The following ANKRD52 variants were observed in gnomAD, a reference collection of about 807,000 sequenced individuals.
ANKRD52 encodes the protein ankyrin repeat domain 52.
A neutral mutation model predicts 116.0 loss-of-function variants in ANKRD52; 7 were observed. The ratio of observed to expected loss-of-function variants is 0.06; its 90% CI spans 0.03 to 0.11. ANKRD52 has a LOEUF of 0.11. Ranked by LOEUF, ANKRD52 falls within the 10% of genes least tolerant of loss-of-function variation. The pLI is 1.00. For synonymous variants in ANKRD52, 528 were observed against 578.1 expected, an observed-to-expected ratio of 0.91 and a Z score of 1.24; for missense variants, 839 against 1,408.6, an observed-to-expected ratio of 0.60 and a Z score of 6.47.
Position 56,255,051 on chromosome 12 carries a change from TA to T in ANKRD52, c.463-100del. 4 of 1,277,276 alleles carry T rather than the reference TA, an allele frequency of 3.1e-6. No individual in the cohort carries two copies. The highest frequency in any genetic ancestry group is 4.5e-6 in the Non-Finnish European group (4 of 897,826). The allele number at this position is 1,277,276 out of a possible 1,614,324, so 79.1% of individuals were successfully genotyped here. On this transcript the variant is annotated intron_variant, in intron 5 of 27. Coordinates refer to ENST00000267116, the MANE Select transcript of ANKRD52 (RefSeq NM_173595.4). The surrounding 1 kb of genome is among the most constrained non-coding windows in gnomAD (Gnocchi z 4.3). Reference sequence around the variant, plus strand: ...ATCTCCTGAAAAGGCTGAGGCAGCCTAATGCCTTTTTCCATGAGCAAAACAA... The same window carrying T: ...ATCTCCTGAAAAGGCTGAGGCAGCCTATGCCTTTTTCCATGAGCAAAACAA...
chr12:56,253,630 CAGG>C lies in ANKRD52; in HGVS notation c.985+89_985+91del. The C allele has an allele frequency of 1.5e-6, 2 of 1,375,310 alleles. No homozygotes were observed. Among genetic ancestry groups the C allele is most frequent in the South Asian group, 1.2e-5 (1 of 81,532 alleles). 85.2% of individuals were successfully genotyped at this position (1,375,310 alleles called of 1,614,324 possible). On this transcript the variant is annotated intron_variant, in intron 9 of 27. Coordinates refer to ENST00000267116, the MANE Select transcript of ANKRD52 (RefSeq NM_173595.4). The surrounding 1 kb of genome is among the most constrained non-coding windows in gnomAD (Gnocchi z 5.5). ...AAGGGCCTATCCTACTGGAAGAGGG[CAGG>C]AGAAGGAAGTTAGGAACCTCCCTAG... is the stretch of plus-strand genomic sequence containing the variant.
chr12:56,242,494 G>C lies in ANKRD52; in HGVS notation c.*648C>G. 3.5e-6 allele frequency: 1 copy of C among 286,524 alleles called. No homozygotes were observed. Among genetic ancestry groups the C allele is most frequent in the Admixed American group, 5.2e-5 (1 of 19,148 alleles). 17.7% of individuals were successfully genotyped at this position (286,524 alleles called of 1,614,324 possible). A position where few individuals can be genotyped will look rare whatever the true frequency, so the allele number is the denominator to read the frequency against. Reference sequence around the variant, plus strand: ...TATGAGGAGCCAGGGGAGAGTGCAGGATTGGGGCCCAGGTACAGTAGTTGC... The same window carrying C: ...TATGAGGAGCCAGGGGAGAGTGCAGCATTGGGGCCCAGGTACAGTAGTTGC... On this transcript the variant is annotated 3_prime_UTR_variant, in exon 28 of 28. Transcript: ENST00000267116. This position sits in a 1 kb window ranked among gnomAD's most constrained non-coding sequence, Gnocchi z 4.3.
intron 1 of ANKRD52, 31 bp downstream of exon 1, chr12:56,258,212 G>A (rs748976712): frequency 6.3e-7 from 1 of 1,597,052 alleles, no homozygotes; most frequent in Non-Finnish European, 8.5e-7. Context: ...AGCCCTGGAA[G>A]GAGGAAGCGG....
In ANKRD52 at chr12:56,248,386, T is replaced by C. The variant is rs1410316354; in HGVS notation, c.1776+109A>G. On this transcript the variant is annotated intron_variant, in intron 17 of 27. Transcript: ENST00000267116. The surrounding 1 kb of genome is among the most constrained non-coding windows in gnomAD (Gnocchi z 5.1). ...TACCCTGCACTGTGCTTATCCCCTC[T>C]CCCACAAAAAGGCAGAAGGAAGGAT... 3.5e-6 allele frequency: 5 copies of C among 1,433,064 alleles called. No homozygotes were observed. The African/African-American group carries it at 7.1e-5, about 20-fold the overall frequency. 88.8% of individuals were successfully genotyped at this position (1,433,064 alleles called of 1,614,324 possible).
At position 56,242,982 on chromosome 12, in the gene ANKRD52, G is replaced by C; in HGVS notation, c.*160C>G. ...CCCAGACCCCTGCCAGGCCAAGATGGTGTGGCAAAGGGGTGAGCAGCTGCT... is the reference window on the plus strand; with the variant it reads ...CCCAGACCCCTGCCAGGCCAAGATGCTGTGGCAAAGGGGTGAGCAGCTGCT... On this transcript the variant is annotated 3_prime_UTR_variant, in exon 28 of 28. Coordinates refer to ENST00000267116, the MANE Select transcript of ANKRD52 (RefSeq NM_173595.4). The surrounding 1 kb of genome is among the most constrained non-coding windows in gnomAD (Gnocchi z 4.3). The C allele has an allele frequency of 9.2e-7, 1 of 1,082,782 alleles. No individual in the cohort carries two copies. Among genetic ancestry groups the C allele is most frequent in the Non-Finnish European group, 1.3e-6 (1 of 780,856 alleles). The allele number at this position is 1,082,782 out of a possible 1,614,324, so 67.1% of individuals were successfully genotyped here.
chr12:56,245,318 C>A, intron 21 of ANKRD52, 59 bp downstream of exon 21: 1 of 1,601,812 alleles, frequency 6.2e-7, no homozygotes, highest in Non-Finnish European at 8.5e-7. Context: ...ACCCACCTGT[C>A]CCCCTCTACA....
chr12:56,252,562 T>A lies in ANKRD52; in HGVS notation c.1310A>T (p.Glu437Val), dbSNP rs755681282. 6.2e-7 allele frequency: 1 copy of A among 1,613,848 alleles called. No individual in the cohort carries two copies. The highest frequency in any genetic ancestry group is 8.5e-7 in the Non-Finnish European group (1 of 1,179,822). The change falls in exon 13 of 28, where the codon GAA becomes GTA. Residue 437 changes from glutamate (E) to valine (V), a missense_variant. Physicochemically the swap from Glu to Val is moderately radical, Grantham distance 121. This residue lies in a region of ANKRD52 where 287 missense variants were observed against 598.1 expected (regional missense o/e 0.48). Transcript: ENST00000267116. This position sits in a 1 kb window ranked among gnomAD's most constrained non-coding sequence, Gnocchi z 4.7. Reference protein sequence around the residue: ...LHAAASGGNVECLNLLLSSGA... With the variant: ...LHAAASGGNVVCLNLLLSSGA... ...ACTGCTCAACAGCAAATTAAGACAT[T>A]CAACATTCCTAAAAGAAAGATGTGT...
rs894343722 is a variant in ANKRD52 at position 56,254,387 on chromosome 12, G to A, written c.694-108C>T. The stretch of plus-strand genomic sequence containing the variant: ...TCCAACGACTGCCTCATTTCCTCTC[G>A]GGTTTATGACCCAAGGTACTAAGGT... On this transcript the variant is annotated intron_variant, in intron 7 of 27. Transcript: ENST00000267116. This position sits in a 1 kb window ranked among gnomAD's most constrained non-coding sequence, Gnocchi z 4.6. The A allele has an allele frequency of 6.9e-6, 10 of 1,456,494 alleles. No homozygotes were observed. Among genetic ancestry groups the A allele is most frequent in the Admixed American group, 1.8e-5 (1 of 56,386 alleles). 90.2% of individuals were successfully genotyped at this position (1,456,494 alleles called of 1,614,324 possible). A position where few individuals can be genotyped will look rare whatever the true frequency, so the allele number is the denominator to read the frequency against.
chr12:56,257,168 T>C, intron 3 of ANKRD52, 83 bp from the exon 4 acceptor site: 2 of 1,556,110 alleles, frequency 1.3e-6, no homozygotes, highest in East Asian at 2.3e-5. Flanking sequence ...GAAATCTGAA[T>C]GGAGCTGGAG....
chr12:56,254,548 G>C lies in ANKRD52; in HGVS notation c.693+30C>G. On this transcript the variant is annotated intron_variant, in intron 7 of 27. Coordinates refer to ENST00000267116, the MANE Select transcript of ANKRD52 (RefSeq NM_173595.4). This position sits in a 1 kb window ranked among gnomAD's most constrained non-coding sequence, Gnocchi z 4.6. ...TATAATCTCCTACTTGCTGCCCATAGTTCCCAACCCCAGAGCTCAAAGCCC... is the reference window on the plus strand; with the variant it reads ...TATAATCTCCTACTTGCTGCCCATACTTCCCAACCCCAGAGCTCAAAGCCC... The C allele has an allele frequency of 1.2e-6, 2 of 1,607,586 alleles. No homozygotes were observed. The highest frequency in any genetic ancestry group is 1.7e-6 in the Non-Finnish European group (2 of 1,176,526).
Position 56,248,200 on chromosome 12 carries a change from A to G in ANKRD52, c.1801T>C (p.Leu601=), listed in dbSNP as rs1251334512. The G allele has an allele frequency of 6.8e-6, 11 of 1,613,778 alleles. No individual in the cohort carries two copies. The highest frequency in any genetic ancestry group is 6.7e-5 in the Admixed American group (4 of 60,006). The change falls in exon 18 of 28, where the codon TTG becomes CTG. Residue 601 remains leucine, a synonymous_variant. Coordinates refer to ENST00000267116, the MANE Select transcript of ANKRD52 (RefSeq NM_173595.4). The surrounding 1 kb of genome is among the most constrained non-coding windows in gnomAD (Gnocchi z 5.1). The part of the protein sequence containing the change: ...LAAYNGHCEA[L]KTLAETLVNL... The stretch of plus-strand genomic sequence containing the variant: ...ACCAGCGTCTCCGCCAGCGTCTTCA[A>G]GGCTTCACAGTGACCGTTGTAGGCC...
chr12:56,248,764 C>G lies in ANKRD52; in HGVS notation c.1699G>C (p.Glu567Gln). The part of the protein sequence containing the change: ...AAAYGNRQNL[E>Q]LLLEMSFNCL... ...GGCCGGGCCCCAACACATACCAGTT[C>G]GAGGTTCTGTCTGTTGCCATAGGCG... The change falls in exon 16 of 28, where the codon GAA (glutamate) becomes CAA (glutamine). Residue 567 changes from glutamate to glutamine, a missense_variant. Physicochemically the swap from Glu to Gln is conservative, Grantham distance 29. Coordinates refer to ENST00000267116, the MANE Select transcript of ANKRD52 (RefSeq NM_173595.4). This position sits in a 1 kb window ranked among gnomAD's most constrained non-coding sequence, Gnocchi z 5.1. 3 of 1,608,486 alleles carry G rather than the reference C, an allele frequency of 1.9e-6. No individual in the cohort carries two copies. Among genetic ancestry groups the G allele is most frequent in the South Asian group, 1.1e-5 (1 of 90,276 alleles).
In ANKRD52 at chr12:56,255,028, C is replaced by T; in HGVS notation, c.463-76G>A. On this transcript the variant is annotated intron_variant, in intron 5 of 27. Transcript: ENST00000267116. The surrounding 1 kb of genome is among the most constrained non-coding windows in gnomAD (Gnocchi z 4.3). Reference sequence around the variant, plus strand: ...ACCTACCTAAGAGCAGAGGCCTCATCTCCTGAAAAGGCTGAGGCAGCCTAA... The same window carrying T: ...ACCTACCTAAGAGCAGAGGCCTCATTTCCTGAAAAGGCTGAGGCAGCCTAA... The T allele has an allele frequency of 6.7e-7, 1 of 1,498,118 alleles. No homozygotes were observed. The highest frequency in any genetic ancestry group is 1.1e-5 in the South Asian group (1 of 87,592). 92.8% of individuals were successfully genotyped at this position (1,498,118 alleles called of 1,614,324 possible). A position where few individuals can be genotyped will look rare whatever the true frequency, so the allele number is the denominator to read the frequency against.
At position 56,237,925 on chromosome 12, in the gene ANKRD52, G is replaced by C. The variant is rs1006024560; in HGVS notation, c.*5217C>G. 17 of 653,090 alleles carry C rather than the reference G, an allele frequency of 2.6e-5. No individual in the cohort carries two copies. In the South Asian group the frequency reaches 3.0e-4, roughly 11 times the overall value. The allele number at this position is 653,090 out of a possible 1,614,324, so 40.5% of individuals were successfully genotyped here. A position where few individuals can be genotyped will look rare whatever the true frequency, so the allele number is the denominator to read the frequency against. ...TGGTGGGAGGACCCGAAGCCGGTTG[G>C]GGGAGGATGTGAGTAGGGGCCTGGA... On this transcript the variant is annotated 3_prime_UTR_variant, in exon 28 of 28. Transcript: ENST00000267116.
Position 56,253,146 on chromosome 12 carries a change from C to G in ANKRD52, c.1101-60G>C. 1 of 1,472,046 alleles carries G rather than the reference C, an allele frequency of 6.8e-7. No homozygotes were observed. The highest frequency in any genetic ancestry group is 9.2e-7 in the Non-Finnish European group (1 of 1,088,026). The allele number at this position is 1,472,046 out of a possible 1,614,324, so 91.2% of individuals were successfully genotyped here. On this transcript the variant is annotated intron_variant, in intron 10 of 27. Coordinates refer to ENST00000267116, the MANE Select transcript of ANKRD52 (RefSeq NM_173595.4). The surrounding 1 kb of genome is among the most constrained non-coding windows in gnomAD (Gnocchi z 5.5). ...AAGGAGGGACCAAGTAAGACCTCTT[C>G]TGTGACCTACCACCACCCTAGAGTC...
Position 56,244,603 on chromosome 12 carries a change from GC to G in ANKRD52, c.2722+48del. The G allele has an allele frequency of 6.2e-7, 1 of 1,609,190 alleles. No individual in the cohort carries two copies. Among genetic ancestry groups the G allele is most frequent in the Non-Finnish European group, 8.5e-7 (1 of 1,177,462 alleles). On this transcript the variant is annotated intron_variant, in intron 24 of 27. Transcript: ENST00000267116. The surrounding 1 kb of genome is among the most constrained non-coding windows in gnomAD (Gnocchi z 4.9). Reference sequence around the variant, plus strand: ...TCCACAGGCAGGGCTGACCCATCCTGCAAATGCCCCAGGGGAGCTCCTCCCT... The same window carrying G: ...TCCACAGGCAGGGCTGACCCATCCTGAAATGCCCCAGGGGAGCTCCTCCCT...
chr12:56,257,737 A>G, intron 2 of ANKRD52, 91 bp downstream of exon 2: 1 of 1,256,580 alleles, frequency 8.0e-7, no homozygotes, highest in Non-Finnish European at 1.1e-6. Flanking sequence ...ATCTGAGCAG[A>G]GGAGACACGG....
At chr12:56,257,964 TGTGGGGGTGGGG>T (rs1366477085) in intron 1 of ANKRD52, 53 bp from the exon 2 acceptor site, 6 of 603,464 alleles carry the variant, frequency 9.9e-6, no homozygotes, top group Non-Finnish European at 1.4e-5. Context: ...GCGGAACCGG[TGTGGGGGTGGGG>T]GTGGGGGAGC....
chr12:56,257,435 A>T, intron 2 of ANKRD52, 74 bp from the exon 3 acceptor site: 1 of 1,300,942 alleles, frequency 7.7e-7, no homozygotes, highest in Non-Finnish European at 1.1e-6. Flanking sequence ...CCCAAGTCTC[A>T]GAGCTCCAGG....
Sources: allele counts gnomAD v4.1 joint callset, GRCh38; gene constraint gnomAD v4.1.1; regional missense constraint gnomAD v4.1.1; non-coding constraint Gnocchi (gnomAD v3.1); transcripts MANE v1.5; gene names NCBI Gene and HGNC (gene_info 2026-07-23, HGNC 2026-07-21).